Variants in SUGCT observed in about 807,000 individuals in gnomAD.
SUGCT encodes the protein succinyl-CoA:glutarate CoA-transferase.
Under a neutral mutation model 55.0 loss-of-function variants are expected in SUGCT, and 41 were observed. The observed-to-expected ratio is 0.74, with a 90% CI of 0.58 to 0.97. The LOEUF (loss-of-function observed/expected upper bound fraction) is 0.97, where lower values mean the gene tolerates loss of function less well. SUGCT is among the 50% of genes least tolerant of loss of function. The pLI, the probability that SUGCT is intolerant of heterozygous loss-of-function variation, is 0.00. For synonymous variants in SUGCT, 187 were observed against 200.4 expected (o/e 0.93, Z 0.56); for missense variants, 568 against 547.8 (o/e 1.04, Z -0.37).
chr7:40,143,450 C>A (rs1258880062), intron 1 of SUGCT, among the ~76,000 whole-genome samples: 1 of 152,232 alleles, frequency 6.6e-6, no homozygotes, highest in Non-Finnish European at 1.5e-5. Context: ...CAACTTGTTA[C>A]TCTAGGCTGT....
the SUGCT span, among the ~76,000 whole-genome samples, chr7:41,016,474 T>C: frequency 6.6e-6 from 1 of 152,192 alleles, no homozygotes. Flanking sequence ...CATACTTTTT[T>C]CTCTTATTTT....
chr7:40,862,983 A>C (rs1290542010), downstream of SUGCT, among the ~76,000 whole-genome samples: 1 of 151,716 alleles, frequency 6.6e-6, no homozygotes, highest in Non-Finnish European at 1.5e-5. Context: ...TCATGCCTGT[A>C]ATCCCAGCAC....
intron 12 of SUGCT, among the ~76,000 whole-genome samples, chr7:40,591,999 C>A (rs543419788): frequency 6.6e-6 from 1 of 152,108 alleles, no homozygotes; most frequent in East Asian, 1.9e-4. Flanking sequence ...ATGGTCTGAG[C>A]CAAACTTGTA....
chr7:40,878,239 ATTGAAAGATTTTCT>A, the SUGCT span, among the ~76,000 whole-genome samples: 9 of 152,126 alleles, frequency 5.9e-5, no homozygotes, highest in African/African-American at 2.2e-4. Context: ...GAGAATGCTA[ATTGAAAGATTTTCT>A]TTTTTAAAAA....
At chr7:40,381,378 C>T (rs1328991924) in intron 9 of SUGCT, among the ~76,000 whole-genome samples, 1 of 151,928 alleles carries the variant, frequency 6.6e-6, no homozygotes, top group African/African-American at 2.4e-5. Context: ...ATTTTCTTTG[C>T]CCATGTCTCA....
At chr7:41,015,566 A>T in the SUGCT span, among the ~76,000 whole-genome samples, 2 of 152,160 alleles carry the variant, frequency 1.3e-5, no homozygotes, top group South Asian at 2.1e-4. Flanking sequence ...ATGATTCTTC[A>T]TATTACCTTG....
At chr7:40,531,775 G>A (rs1255457955) in intron 12 of SUGCT, among the ~76,000 whole-genome samples, 1 of 151,956 alleles carries the variant, frequency 6.6e-6, no homozygotes, top group Non-Finnish European at 1.5e-5. Context: ...CCGGGTTCCC[G>A]CCATTCTTCT....
the SUGCT span, among the ~76,000 whole-genome samples, chr7:40,895,010 T>C: frequency 2.6e-5 from 4 of 152,180 alleles, no homozygotes; most frequent in Non-Finnish European, 5.9e-5. Context: ...CACATAAATG[T>C]GTATGTTCAT....
In SUGCT at chr7:40,432,681, C is replaced by G. The variant is rs910520119; in HGVS notation, c.817-16606C>G. Among the ~76,000 whole-genome samples, 14 of 79,792 alleles carry G rather than the reference C, an allele frequency of 1.8e-4. 1 individual carries two copies. In the South Asian group the frequency reaches 3.7e-3, roughly 21 times the overall value. 52.3% of individuals were successfully genotyped at this position (79,792 alleles called of 152,430 possible). A position where few individuals can be genotyped will look rare whatever the true frequency, so the allele number is the denominator to read the frequency against. On this transcript the variant is annotated intron_variant, in intron 9 of 13. Coordinates refer to ENST00000335693, the MANE Select transcript of SUGCT (RefSeq NM_001193313.2). ...AGCCTGAGCAACAGAGTGAGACTCC[C>G]TCTCAAAAAAAAAAAAAAAAAAAAA... is the stretch of plus-strand genomic sequence containing the variant.
intron 8 of SUGCT, among the ~76,000 whole-genome samples, chr7:40,287,523 G>T (rs568802345): frequency 6.7e-6 from 1 of 150,044 alleles, no homozygotes; most frequent in Non-Finnish European, 1.5e-5. Flanking sequence ...TTAAAGTCAA[G>T]GTCTCTGTCT....
intron 9 of SUGCT, among the ~76,000 whole-genome samples, chr7:40,418,544 AT>A (rs1787131809): frequency 1.3e-5 from 2 of 152,178 alleles, no homozygotes; most frequent in South Asian, 4.1e-4. Flanking sequence ...ACCAGCTCAA[AT>A]TTTAGTCAGG....
the SUGCT span, among the ~76,000 whole-genome samples, chr7:40,875,944 C>A: frequency 6.6e-6 from 1 of 152,066 alleles, no homozygotes; most frequent in African/African-American, 2.4e-5. Flanking sequence ...TGTCCATGGG[C>A]CACCATTATG....
intron 9 of SUGCT, among the ~76,000 whole-genome samples, chr7:40,440,188 C>T (rs1177879593): frequency 8.7e-6 from 1 of 114,696 alleles, no homozygotes; most frequent in African/African-American, 3.5e-5. Flanking sequence ...AAGACTGGTT[C>T]CTGCTCTGTT....
chr7:40,543,587 C>T (rs2151624666), intron 12 of SUGCT, among the ~76,000 whole-genome samples: 1 of 152,310 alleles, frequency 6.6e-6, no homozygotes, highest in African/African-American at 2.4e-5. Flanking sequence ...AGATGGAAAC[C>T]TGCAAAAGTT....
At chr7:40,978,692 A>C in the SUGCT span, among the ~76,000 whole-genome samples, 1 of 152,218 alleles carries the variant, frequency 6.6e-6, no homozygotes, top group African/African-American at 2.4e-5. Context: ...AGCCAAGAGC[A>C]TGAGTGGTCC....
At chr7:40,495,590 A>T (rs1583829884) in intron 11 of SUGCT, among the ~76,000 whole-genome samples, 1 of 152,204 alleles carries the variant, frequency 6.6e-6, no homozygotes, top group East Asian at 1.9e-4. Context: ...AAAACAATAA[A>T]TCTCATAAAT....
At chr7:40,797,352 A>G (rs1360108492) in intron 13 of SUGCT, among the ~76,000 whole-genome samples, 1 of 152,136 alleles carries the variant, frequency 6.6e-6, no homozygotes, top group African/African-American at 2.4e-5. Context: ...TGATCACTCT[A>G]TAAGTCATTT....
chr7:40,437,798 G>A (rs77478332), intron 9 of SUGCT, among the ~76,000 whole-genome samples: 1 of 152,088 alleles, frequency 6.6e-6, no homozygotes, highest in Non-Finnish European at 1.5e-5. Flanking sequence ...TTTCCAGTGG[G>A]TGATGAAGTC....
intron 9 of SUGCT, among the ~76,000 whole-genome samples, chr7:40,427,562 T>C (rs1787651965): frequency 6.6e-6 from 1 of 152,210 alleles, no homozygotes; most frequent in African/African-American, 2.4e-5. Context: ...ACTCCACTCA[T>C]TCCTCAGTTT....
Sources: gnomAD v4.1 joint callset for allele counts (sites outside exome capture counted in the v4.1 genomes callset) on GRCh38, gnomAD v4.1.1 for gene constraint, MANE v1.5 for transcripts, NCBI Gene and HGNC (gene_info 2026-07-23, HGNC 2026-07-21) for gene names.